NFATC2: variants seen among roughly 807,000 people sequenced by gnomAD.
The protein encoded by NFATC2 is nuclear factor of activated T-cells, cytoplasmic 2.
NFATC2 carries 22 observed loss-of-function variants against 87.3 expected under a neutral mutation model. That is an observed-to-expected ratio of 0.25 (90% CI 0.18 to 0.36). The LOEUF is 0.36. NFATC2 is among the 10% of genes least tolerant of loss of function. NFATC2 has a pLI of 1.00. For missense variants in NFATC2, 1,149 were observed against 1,259.1 expected, an observed-to-expected ratio of 0.91 and a Z score of 1.32; for synonymous variants, 565 against 542.2, an observed-to-expected ratio of 1.04 and a Z score of -0.58.
At chr20:51,498,942 G>A (rs550889285) in intron 3 of NFATC2, among the ~76,000 whole-genome samples, 139 of 152,326 alleles carry the variant, frequency 9.1e-4, no homozygotes, top group Middle Eastern at 3.4e-3. Flanking sequence ...TGGGAGGAGT[G>A]AAAGGCACGT....
intron 9 of NFATC2, among the ~76,000 whole-genome samples, chr20:51,402,285 G>A (rs1164639517): frequency 6.6e-6 from 1 of 152,130 alleles, no homozygotes; most frequent in Non-Finnish European, 1.5e-5. Flanking sequence ...CTGATTACAT[G>A]CAACTAAGCT....
intron 3 of NFATC2, among the ~76,000 whole-genome samples, chr20:51,504,231 A>G (rs1353325647): frequency 3.9e-5 from 6 of 152,210 alleles, no homozygotes; most frequent in Non-Finnish European, 5.9e-5. Flanking sequence ...CATGTTGGTC[A>G]GGCTGGTCTC....
chr20:51,464,876 G>T (rs1467694968), intron 5 of NFATC2, among the ~76,000 whole-genome samples: 1 of 152,222 alleles, frequency 6.6e-6, no homozygotes, highest in Non-Finnish European at 1.5e-5. Context: ...ATGGCCACAG[G>T]CAAGCTCACT....
intron 3 of NFATC2, among the ~76,000 whole-genome samples, chr20:51,485,604 TG>T (rs1232834580): frequency 6.6e-6 from 1 of 152,088 alleles, no homozygotes; most frequent in Non-Finnish European, 1.5e-5. Flanking sequence ...GCAGAACCAG[TG>T]TAACACTGAG....
At chr20:51,479,018 T>C (rs2146531855) in intron 3 of NFATC2, among the ~76,000 whole-genome samples, 1 of 152,344 alleles carries the variant, frequency 6.6e-6, no homozygotes, top group East Asian at 1.9e-4. Flanking sequence ...CCTATAGGAA[T>C]TTTAAGAGCC....
In NFATC2 at chr20:51,562,489, G is replaced by C; in HGVS notation, c.70+71C>G. 4 of 1,361,504 alleles carry C rather than the reference G, an allele frequency of 2.9e-6. No homozygotes were observed. The highest frequency in any genetic ancestry group is 4.1e-6 in the Non-Finnish European group (4 of 981,684). 84.3% of individuals were successfully genotyped at this position (1,361,504 alleles called of 1,614,324 possible). ...CTGCCGGGAGCTGAAAGTGCTGCCC[G>C]GGACGGGAGCAGCAGGAAAGGGCCG... On this transcript the variant is annotated intron_variant, in intron 1 of 10. Transcript: ENST00000414705. The surrounding 1 kb of genome is among the most constrained non-coding windows in gnomAD (Gnocchi z 5.8).
At chr20:51,398,290 G>A (rs560745842) in intron 10 of NFATC2, among the ~76,000 whole-genome samples, 30 of 152,176 alleles carry the variant, frequency 2.0e-4, no homozygotes, top group East Asian at 1.2e-3. Context: ...CACCCACCAC[G>A]GATGGAGAGC....
intron 5 of NFATC2, among the ~76,000 whole-genome samples, chr20:51,459,714 C>A (rs1264830466): frequency 1.3e-5 from 2 of 152,116 alleles, no homozygotes; most frequent in African/African-American, 2.4e-5. Context: ...CCCATCTCTA[C>A]TAAAAACTAC....
intron 3 of NFATC2, among the ~76,000 whole-genome samples, chr20:51,506,782 G>A (rs1179673057): frequency 6.6e-6 from 1 of 152,154 alleles, no homozygotes; most frequent in Non-Finnish European, 1.5e-5. Flanking sequence ...GTGTGGTCAT[G>A]GTCCCCTCTT....
chr20:51,470,967 G>A (rs1038483379), intron 5 of NFATC2, among the ~76,000 whole-genome samples: 4 of 152,200 alleles, frequency 2.6e-5, no homozygotes, highest in Non-Finnish European at 5.9e-5. Context: ...CCAGAAAGTT[G>A]AAGACTGGCT....
intron 3 of NFATC2, among the ~76,000 whole-genome samples, chr20:51,489,685 A>G (rs911407345): frequency 2.6e-5 from 4 of 152,226 alleles, no homozygotes; most frequent in African/African-American, 7.2e-5. Context: ...CAAAGGCTTC[A>G]AAAACAATGA....
intron 5 of NFATC2, among the ~76,000 whole-genome samples, chr20:51,465,896 A>G (rs927611841): frequency 1.3e-5 from 2 of 152,116 alleles, no homozygotes; most frequent in Admixed American, 1.3e-4. Context: ...AACAGTATAT[A>G]TCACATGCCA....
intron 5 of NFATC2, among the ~76,000 whole-genome samples, chr20:51,461,014 A>T (rs912416939): frequency 5.3e-5 from 8 of 152,318 alleles, no homozygotes; most frequent in African/African-American, 1.7e-4. Flanking sequence ...CACACTTAAG[A>T]GGCCACCTGA....
chr20:51,558,609 T>A (rs1396124088), intron 1 of NFATC2, among the ~76,000 whole-genome samples: 1 of 152,154 alleles, frequency 6.6e-6, no homozygotes, highest in East Asian at 1.9e-4. Context: ...CATAGATTAT[T>A]TGCTGTTTCC....
At chr20:51,532,076 G>T (rs759749687) in intron 1 of NFATC2, among the ~76,000 whole-genome samples, 1 of 152,110 alleles carries the variant, frequency 6.6e-6, no homozygotes, top group Non-Finnish European at 1.5e-5. Context: ...GTGTTAGTGG[G>T]TCAGTGAGCC....
At chr20:51,454,507 T>C (rs1387663638) in intron 6 of NFATC2, 41 bp downstream of exon 6, 5 of 1,608,114 alleles carry the variant, frequency 3.1e-6, no homozygotes, top group African/African-American at 1.3e-5. Context: ...CACTTTTGCA[T>C]GATTCTGGGG....
chr20:51,531,680 C>G (rs1476775609), intron 1 of NFATC2, among the ~76,000 whole-genome samples: 1 of 152,202 alleles, frequency 6.6e-6, no homozygotes, highest in Non-Finnish European at 1.5e-5. Flanking sequence ...GGTGATGATA[C>G]AAGCCTGTCG....
chr20:51,466,288 A>C (rs1011659917), intron 5 of NFATC2, among the ~76,000 whole-genome samples: 1 of 152,068 alleles, frequency 6.6e-6, no homozygotes, highest in Non-Finnish European at 1.5e-5. Flanking sequence ...CCTGACCTCA[A>C]GTGATCTGCC....
Position 51,475,622 on chromosome 20 carries a change from C to G in NFATC2, c.1371G>C (p.Gln457His), listed in dbSNP as rs781251250. 6.2e-7 allele frequency: 1 copy of G among 1,614,130 alleles called. No individual in the cohort carries two copies. The highest frequency in any genetic ancestry group is 8.5e-7 in the Non-Finnish European group (1 of 1,180,032). ...GYMENKPLGL[Q>H]IFIGTADERI... is the part of the protein sequence containing the mutation. ...GCTCATCAGCTGTCCCAATGAAGAT[C>G]TGAAGTCCCAGAGGCTTGTTTTCCA... The change falls in exon 4 of 11, where the codon CAG becomes CAC. Residue 457 changes from glutamine to histidine, a missense_variant. Gln to His is a conservative substitution (Grantham distance 24, BLOSUM62 0). This residue lies in a region of NFATC2 where 581 missense variants were observed against 649.7 expected (regional missense o/e 0.89). Transcript: ENST00000371564.
Sources: allele counts gnomAD v4.1 joint callset (sites outside exome capture counted in the v4.1 genomes callset), GRCh38; gene constraint gnomAD v4.1.1; regional missense constraint gnomAD v4.1.1; non-coding constraint Gnocchi (gnomAD v3.1); transcripts MANE v1.5; gene names NCBI Gene and HGNC (gene_info 2026-07-23, HGNC 2026-07-21).